The following CNTN3 variants were observed in gnomAD, a reference collection of about 807,000 sequenced individuals.
The protein encoded by CNTN3 is contactin 3, also known as contactin-3.
In CNTN3, 60 loss-of-function variants were observed where a neutral mutation model predicts 119.1. The observed-to-expected ratio is 0.50, with a 90% confidence interval of 0.41 to 0.62. The LOEUF (loss-of-function observed/expected upper bound fraction) is 0.62. Ranked by LOEUF, CNTN3 falls within the 20% of genes least tolerant of loss-of-function variation. CNTN3 has a pLI of 0.00. For synonymous variants in CNTN3, 450 were observed against 438.7 expected (o/e 1.03, Z -0.32); for missense variants, 1,101 against 1,242.4 (o/e 0.89, Z 1.71).
At chr3:74,589,484 T>C (rs1483427043) in intron 1 of CNTN3, among the ~76,000 whole-genome samples, 3 of 146,964 alleles carry the variant, frequency 2.0e-5, no homozygotes, top group Admixed American at 6.8e-5. Context: ...TGTGGAGAAA[T>C]AGGAACACTT....
At chr3:74,435,855 T>C (rs1334323610) in intron 4 of CNTN3, among the ~76,000 whole-genome samples, 1 of 152,134 alleles carries the variant, frequency 6.6e-6, no homozygotes, top group Non-Finnish European at 1.5e-5. Flanking sequence ...TATTATGCAA[T>C]AGGTCCATCC....
Position 74,357,246 on chromosome 3 carries a change from C to T in CNTN3, c.1364+4644G>A, listed in dbSNP as rs117804221. On this transcript the variant is annotated intron_variant, in intron 11 of 22. Transcript: ENST00000263665. ...TGGCCGATTATTCAAATCTATTATACGATTTACATAGAAGGCACATTTATC... is the reference window on the plus strand; with the variant it reads ...TGGCCGATTATTCAAATCTATTATATGATTTACATAGAAGGCACATTTATC... Among the ~76,000 whole-genome samples the T allele has an allele frequency of 1.0e-3, 155 of 151,012 alleles. 4 individuals are homozygous for T. The East Asian group carries it at 0.029, about 28-fold the overall frequency.
intron 1 of CNTN3, among the ~76,000 whole-genome samples, chr3:74,611,180 A>C (rs1398669736): frequency 2.6e-5 from 4 of 152,152 alleles, no homozygotes; most frequent in Admixed American, 6.5e-5. Flanking sequence ...ATGCAAACTC[A>C]CTGAATTATT....
chr3:74,560,934 C>T (rs191577588), intron 1 of CNTN3, among the ~76,000 whole-genome samples: 1 of 147,790 alleles, frequency 6.8e-6, no homozygotes. Context: ...ACAAAAAAAA[C>T]CAAACACTGC....
chr3:74,283,334 A>C (rs1702051598), intron 20 of CNTN3, among the ~76,000 whole-genome samples: 1 of 152,152 alleles, frequency 6.6e-6, no homozygotes, highest in Non-Finnish European at 1.5e-5. Context: ...TCAATACATG[A>C]AAATTACTTA....
At chr3:74,356,044 A>G (rs1486045540) in intron 11 of CNTN3, among the ~76,000 whole-genome samples, 1 of 151,988 alleles carries the variant, frequency 6.6e-6, no homozygotes, top group Non-Finnish European at 1.5e-5. Flanking sequence ...TGATGGTATA[A>G]AGAAGGGGGG....
intron 5 of CNTN3, among the ~76,000 whole-genome samples, chr3:74,385,561 T>G (rs972059367): frequency 6.6e-6 from 1 of 152,226 alleles, no homozygotes; most frequent in Admixed American, 6.5e-5. Flanking sequence ...TTTACACTTG[T>G]CTTTGTCCTC....
intron 1 of CNTN3, among the ~76,000 whole-genome samples, chr3:74,539,142 T>G (rs1458532498): frequency 6.6e-6 from 1 of 152,114 alleles, no homozygotes; most frequent in Non-Finnish European, 1.5e-5. Flanking sequence ...GATCTGATCA[T>G]CAATAAACAC....
At chr3:74,525,532 G>A (rs1196184799) in intron 1 of CNTN3, among the ~76,000 whole-genome samples, 1 of 151,824 alleles carries the variant, frequency 6.6e-6, no homozygotes. Flanking sequence ...GGAAGCTACT[G>A]AAGCAAGACA....
intron 4 of CNTN3, among the ~76,000 whole-genome samples, chr3:74,480,441 G>C (rs7431887): frequency 6.6e-6 from 1 of 151,876 alleles, no homozygotes; most frequent in African/African-American, 2.4e-5. Flanking sequence ...GGTGGTGGTA[G>C]GAGAGTGTTG....
chr3:74,436,571 A>C (rs1217321186), intron 4 of CNTN3, among the ~76,000 whole-genome samples: 12 of 152,324 alleles, frequency 7.9e-5, no homozygotes, highest in African/African-American at 2.4e-4. Context: ...TTTCACTGAA[A>C]TTATTAGAAA....
intron 1 of CNTN3, among the ~76,000 whole-genome samples, chr3:74,578,031 T>C (rs1704445898): frequency 6.6e-6 from 1 of 152,084 alleles, no homozygotes; most frequent in African/African-American, 2.4e-5. Flanking sequence ...CCTGCCAATT[T>C]GCAAATTAAA....
chr3:74,273,690 C>T (rs887670087), intron 20 of CNTN3, among the ~76,000 whole-genome samples: 2 of 152,170 alleles, frequency 1.3e-5, no homozygotes, highest in Non-Finnish European at 2.9e-5. Flanking sequence ...AAGCAGGCCA[C>T]TCCTGCCTGG....
intron 1 of CNTN3, among the ~76,000 whole-genome samples, chr3:74,599,992 G>A (rs766129484): frequency 1.6e-4 from 25 of 152,036 alleles, no homozygotes; most frequent in Non-Finnish European, 3.4e-4. Context: ...AGCATTCCAG[G>A]CATAAATGTA....
chr3:74,455,401 C>T (rs556807362), intron 4 of CNTN3, among the ~76,000 whole-genome samples: 294 of 150,948 alleles, frequency 1.9e-3, no homozygotes, highest in African/African-American at 6.4e-3. Flanking sequence ...GTTATACATT[C>T]GTCTAAATTT....
chr3:74,591,255 G>A (rs910834266), intron 1 of CNTN3, among the ~76,000 whole-genome samples: 3 of 151,928 alleles, frequency 2.0e-5, no homozygotes, highest in Non-Finnish European at 2.9e-5. Flanking sequence ...GGGGATGTTA[G>A]AAATTATTAG....
intron 5 of CNTN3, among the ~76,000 whole-genome samples, chr3:74,424,039 C>T (rs1475413401): frequency 6.6e-6 from 1 of 152,076 alleles, no homozygotes; most frequent in Non-Finnish European, 1.5e-5. Context: ...CAGAAAGATC[C>T]ACTCTAACTT....
rs772333829 is a variant in CNTN3, at chr3:74,302,763, G to A, written c.1713C>T (p.His571=). 1 of 1,612,812 alleles carries A rather than the reference G, an allele frequency of 6.2e-7. No individual in the cohort carries two copies. The highest frequency in any genetic ancestry group is 1.1e-5 in the South Asian group (1 of 90,904). The part of the protein sequence containing the change: ...DLMIRNIQLK[H]SGKYVCMVQT... Reference sequence around the variant, plus strand: ...GCACCATACAAACATATTTCCCACTGTGTTTCAGCTGAATGTTTCTGATCA... The same window carrying A: ...GCACCATACAAACATATTTCCCACTATGTTTCAGCTGAATGTTTCTGATCA... Residue 571 remains histidine, a synonymous_variant, in exon 14 of 23, where the codon CAC becomes CAT. Coordinates refer to ENST00000263665, the MANE Select transcript of CNTN3 (RefSeq NM_020872.3).
At chr3:74,374,783 AG>A (rs1704436145) in intron 5 of CNTN3, among the ~76,000 whole-genome samples, 1 of 152,174 alleles carries the variant, frequency 6.6e-6, no homozygotes, top group Admixed American at 6.5e-5. Context: ...AATGGAAAGA[AG>A]CTTCTGCTTT....
Sources: gnomAD v4.1 joint callset for allele counts (sites outside exome capture counted in the v4.1 genomes callset) on GRCh38, gnomAD v4.1.1 for gene constraint, MANE v1.5 for transcripts, NCBI Gene and HGNC (gene_info 2026-07-23, HGNC 2026-07-21) for gene names.